The following TAOK1 variants were observed in gnomAD, a reference collection of about 807,000 sequenced individuals.
TAOK1 encodes TAO kinase 1.
TAOK1 carries 21 observed loss-of-function variants against 138.3 expected under a neutral mutation model. The observed-to-expected ratio is 0.15, with a 90% CI of 0.11 to 0.22. TAOK1 has a LOEUF of 0.22. Among genes scored for constraint, TAOK1 ranks in the 10% least tolerant of loss-of-function variants. The pLI is 1.00. For missense variants in TAOK1, 651 were observed against 1,227.7 expected, an observed-to-expected ratio of 0.53 and a Z score of 7.02; for synonymous variants, 361 against 398.4, an observed-to-expected ratio of 0.91 and a Z score of 1.12.
Position 29,482,209 on chromosome 17 carries a change from A to C in TAOK1, c.576A>C (p.Glu192Asp). 6.2e-7 allele frequency: 1 copy of C among 1,611,370 alleles called. No homozygotes were observed. The highest frequency in any genetic ancestry group is 8.5e-7 in the Non-Finnish European group (1 of 1,178,936). The change falls in exon 8 of 20, where the codon GAA (glutamate) becomes GAC (aspartate). Residue 192 changes from glutamate (E) to aspartate (D), a missense_variant. This residue lies in a region of TAOK1 where 20 missense variants were observed against 88.6 expected (regional missense o/e 0.23). Transcript: ENST00000261716. ...CGTTTTGTTCTAGGATGGCCCCAGA[A>C]GTAATTTTAGCCATGGATGAAGGAC... ...FVGTPYWMAP[E>D]VILAMDEGQY...
chr17:29,547,159 T>C lies in TAOK1; in HGVS notation c.*4137T>C, dbSNP rs1255608921. 6.6e-6 allele frequency: 1 copy of C among 152,142 alleles called. No homozygotes were observed. Among genetic ancestry groups the C allele is most frequent in the East Asian group, 1.9e-4 (1 of 5,198 alleles). The allele number at this position is 152,142 out of a possible 1,614,324, so 9.4% of individuals were successfully genotyped here. On this transcript the variant is annotated 3_prime_UTR_variant, in exon 20 of 20. Coordinates refer to ENST00000261716, the MANE Select transcript of TAOK1 (RefSeq NM_020791.4). ...AAGAACCAATAAATCACACAATCTT[T>C]ATGTGCTTTCTATATGTATTTCTTA...
chr17:29,489,967 A>G (rs1204621846), intron 9 of TAOK1, among the ~76,000 whole-genome samples: 1 of 152,118 alleles, frequency 6.6e-6, no homozygotes, highest in African/African-American at 2.4e-5. Context: ...AAAAGGATGG[A>G]TGATGTCACA....
At chr17:29,456,885 C>G (rs1280204089) in intron 2 of TAOK1, among the ~76,000 whole-genome samples, 1 of 149,500 alleles carries the variant, frequency 6.7e-6, no homozygotes, top group African/African-American at 2.6e-5. Flanking sequence ...AGGCGCCTGT[C>G]ACCACGCCTG....
chr17:29,421,131 T>C (rs994560946), intron 1 of TAOK1, among the ~76,000 whole-genome samples: 2 of 151,564 alleles, frequency 1.3e-5, no homozygotes, highest in East Asian at 2.0e-4. Flanking sequence ...GTTTTCCCCA[T>C]GTTGGCCCAG....
chr17:29,467,047 C>T (rs2030685342), intron 2 of TAOK1, 98 bp from the exon 3 acceptor site: 16 of 800,226 alleles, frequency 2.0e-5, no homozygotes, highest in Non-Finnish European at 3.0e-5. Context: ...TCCTTTTTGA[C>T]ATGGTAGTTT....
At chr17:29,523,495 C>G (rs2031956611) in intron 17 of TAOK1, among the ~76,000 whole-genome samples, 1 of 152,186 alleles carries the variant, frequency 6.6e-6, no homozygotes, top group African/African-American at 2.4e-5. Flanking sequence ...TCATGCCATT[C>G]TCCTGCCTCA....
chr17:29,501,240 A>G (rs868819999), intron 12 of TAOK1, among the ~76,000 whole-genome samples: 5,401 of 149,834 alleles, frequency 0.036, 356 homozygotes, highest in African/African-American at 0.13. Flanking sequence ...AAAAAAAAAA[A>G]AAGAAAAGAA....
At chr17:29,467,271 A>G (rs1174164479) in intron 3 of TAOK1, 55 bp downstream of exon 3, 3 of 1,152,962 alleles carry the variant, frequency 2.6e-6, no homozygotes, top group East Asian at 2.6e-5. Context: ...CAGAATAAAT[A>G]TATACATTCT....
At chr17:29,476,019 T>C (rs1418583258) in intron 4 of TAOK1, among the ~76,000 whole-genome samples, 1 of 152,250 alleles carries the variant, frequency 6.6e-6, no homozygotes, top group African/African-American at 2.4e-5. Flanking sequence ...AAATGTCCTA[T>C]GACAGTTTTA....
chr17:29,532,878 G>T (rs1267021538), intron 18 of TAOK1, among the ~76,000 whole-genome samples: 2 of 151,854 alleles, frequency 1.3e-5, no homozygotes, highest in Non-Finnish European at 2.9e-5. Context: ...CCCAGACGGG[G>T]TGGTGGCCGG....
At chr17:29,401,545 C>A (rs1489644058) in intron 1 of TAOK1, among the ~76,000 whole-genome samples, 1 of 152,142 alleles carries the variant, frequency 6.6e-6, no homozygotes, top group East Asian at 1.9e-4. Flanking sequence ...AGGGGGAAAT[C>A]CACCCCAATG....
At chr17:29,538,068 C>T (rs1037224542) in intron 19 of TAOK1, among the ~76,000 whole-genome samples, 1 of 146,676 alleles carries the variant, frequency 6.8e-6, no homozygotes, top group Non-Finnish European at 1.5e-5. Flanking sequence ...GCTGAGATCA[C>T]GCCACTGCAC....
intron 1 of TAOK1, among the ~76,000 whole-genome samples, chr17:29,420,826 G>A (rs377305552): frequency 5.9e-5 from 9 of 152,000 alleles, no homozygotes; most frequent in East Asian, 5.8e-4. Flanking sequence ...CTCATGATCC[G>A]CCTGCCTGTA....
intron 6 of TAOK1, among the ~76,000 whole-genome samples, chr17:29,479,847 A>G (rs2031024059): frequency 6.6e-6 from 1 of 152,084 alleles, no homozygotes; most frequent in African/African-American, 2.4e-5. Context: ...CATTATCCAT[A>G]TATTTCAGTT....
intron 1 of TAOK1, among the ~76,000 whole-genome samples, chr17:29,427,788 G>A (rs552537377): frequency 6.6e-6 from 1 of 151,890 alleles, no homozygotes; most frequent in Non-Finnish European, 1.5e-5. Context: ...TTAGCTGGGC[G>A]TGGTGGTGGA....
chr17:29,438,544 T>G (rs559838873), intron 1 of TAOK1, among the ~76,000 whole-genome samples: 1 of 152,192 alleles, frequency 6.6e-6, no homozygotes, highest in East Asian at 1.9e-4. Context: ...CAGTTGGGCG[T>G]GGTGACACAT....
Position 29,502,619 on chromosome 17 carries a change from C to G in TAOK1, c.1234C>G (p.Pro412Ala). 1 of 1,612,816 alleles carries G rather than the reference C, an allele frequency of 6.2e-7. No individual in the cohort carries two copies. Residue 412 changes from proline (P) to alanine (A), a missense_variant, in exon 13 of 20, where the codon CCT becomes GCT. Physicochemically the swap from Pro to Ala is conservative, Grantham distance 27. Transcript: ENST00000261716. Reference sequence around the variant, plus strand: ...AGAAAATTACAGAGAAGAGGGAGATCCTAGAACAAGAGCATCAGATCCACA... The same window carrying G: ...AGAAAATTACAGAGAAGAGGGAGATGCTAGAACAAGAGCATCAGATCCACA... ...EEENYREEGD[P>A]RTRASDPQSP...
At chr17:29,490,689 C>T (rs1221391942) in intron 9 of TAOK1, among the ~76,000 whole-genome samples, 2 of 152,150 alleles carry the variant, frequency 1.3e-5, no homozygotes, top group African/African-American at 2.4e-5. Context: ...TGGTTTAGTA[C>T]ATTTTGTGCT....
chr17:29,493,131 C>T (rs2031336640), intron 10 of TAOK1, among the ~76,000 whole-genome samples: 1 of 151,638 alleles, frequency 6.6e-6, no homozygotes, highest in Non-Finnish European at 1.5e-5. Flanking sequence ...TAGAGTGAGA[C>T]TGTGTCTCCA....
Sources: gnomAD v4.1 joint callset for allele counts (sites outside exome capture counted in the v4.1 genomes callset) on GRCh38, gnomAD v4.1.1 for gene constraint, gnomAD v4.1.1 regional missense constraint, MANE v1.5 for transcripts, NCBI Gene and HGNC (gene_info 2026-07-23, HGNC 2026-07-21) for gene names.